The following NUMB variants were observed in gnomAD, a reference collection of about 807,000 sequenced individuals.
NUMB encodes protein numb homolog.
A neutral mutation model predicts 59.7 loss-of-function variants in NUMB; 29 were observed. The observed-to-expected ratio is 0.49, with a 90% CI of 0.36 to 0.66. NUMB has a LOEUF of 0.66. Among genes scored for constraint, NUMB ranks in the 30% least tolerant of loss-of-function variants. NUMB has a pLI of 0.00. For synonymous variants in NUMB, 288 were observed against 288.2 expected (o/e 1.00, Z 0.01); for missense variants, 723 against 822.0 (o/e 0.88, Z 1.47).
chr14:73,417,756 C>T (rs1387605857), intron 1 of NUMB, among the ~76,000 whole-genome samples: 1 of 152,132 alleles, frequency 6.6e-6, no homozygotes, highest in East Asian at 1.9e-4. Context: ...ACATCATTCA[C>T]AGTAGCCAAA....
chr14:73,451,153 CA>C (rs1212863745), intron 1 of NUMB, among the ~76,000 whole-genome samples: 19 of 38,560 alleles, frequency 4.9e-4, no homozygotes, highest in East Asian at 9.8e-4. Context: ...GACTCTGTCT[CA>C]AAAAAAAAAA....
intron 5 of NUMB, among the ~76,000 whole-genome samples, chr14:73,317,526 T>C (rs1451901740): frequency 3.9e-5 from 6 of 152,206 alleles, no homozygotes; most frequent in Non-Finnish European, 5.9e-5. Context: ...GGTCTCGAAC[T>C]CCTGACCTCA....
At chr14:73,279,696 C>T (rs1443976997) in intron 11 of NUMB, among the ~76,000 whole-genome samples, 2 of 152,112 alleles carry the variant, frequency 1.3e-5, no homozygotes, top group East Asian at 3.8e-4. Context: ...GAAATGAAAC[C>T]TACGAAAACA....
intron 1 of NUMB, among the ~76,000 whole-genome samples, chr14:73,443,441 CA>C (rs1208902886): frequency 2.0e-5 from 3 of 151,402 alleles, no homozygotes; most frequent in African/African-American, 7.3e-5. Context: ...ACTAAAATTA[CA>C]AAATTAGCCA....
At chr14:73,403,721 C>T (rs964449532) in intron 2 of NUMB, among the ~76,000 whole-genome samples, 1 of 151,582 alleles carries the variant, frequency 6.6e-6, no homozygotes, top group African/African-American at 2.4e-5. Context: ...TTTGGGAAGC[C>T]GAGGCAGGCA....
chr14:73,346,304 A>AC (rs1316833830), intron 4 of NUMB, among the ~76,000 whole-genome samples: 3 of 151,946 alleles, frequency 2.0e-5, no homozygotes, highest in Middle Eastern at 3.4e-3. Flanking sequence ...ACATGGAGAA[A>AC]CCCCCGTCTC....
At chr14:73,320,003 G>A (rs915249857) in intron 5 of NUMB, among the ~76,000 whole-genome samples, 3 of 152,018 alleles carry the variant, frequency 2.0e-5, no homozygotes, top group African/African-American at 7.3e-5. Context: ...GTGGTGGCGG[G>A]CACCTGTAAT....
At chr14:73,322,578 C>G (rs1341243198) in intron 5 of NUMB, among the ~76,000 whole-genome samples, 1 of 152,052 alleles carries the variant, frequency 6.6e-6, no homozygotes, top group Non-Finnish European at 1.5e-5. Flanking sequence ...CTAGTTTTCC[C>G]CAGGAAGCTA....
chr14:73,327,925 C>G (rs1891750148), intron 4 of NUMB, among the ~76,000 whole-genome samples: 1 of 152,102 alleles, frequency 6.6e-6, no homozygotes. Context: ...ACACCCAGTC[C>G]CCAGCCTCTG....
chr14:73,366,193 T>C (rs1594953452), intron 3 of NUMB, among the ~76,000 whole-genome samples: 1 of 152,344 alleles, frequency 6.6e-6, no homozygotes, highest in South Asian at 2.1e-4. Context: ...AGTGGTCCTA[T>C]GTATGGCCCT....
chr14:73,285,944 G>A (rs961452673), intron 9 of NUMB, among the ~76,000 whole-genome samples: 2 of 149,674 alleles, frequency 1.3e-5, no homozygotes, highest in African/African-American at 4.9e-5. Flanking sequence ...AAAAAACACC[G>A]AAATCAAACC....
chr14:73,335,622 T>C (rs954475030), intron 4 of NUMB, among the ~76,000 whole-genome samples: 2 of 152,334 alleles, frequency 1.3e-5, no homozygotes, highest in East Asian at 3.9e-4. Flanking sequence ...AAAACTAGTA[T>C]GTGGAATTTC....
Position 73,386,853 on chromosome 14 carries a change from C to A in NUMB, c.-100-19872G>T, listed in dbSNP as rs141319973. 7.8e-3 allele frequency among the ~76,000 whole-genome samples: 1,049 copies of A among 134,734 alleles called. 8 individuals carry two copies. Among genetic ancestry groups the A allele is most frequent in the Non-Finnish European group, 0.012 (779 of 64,844 alleles). 88.4% of individuals were successfully genotyped at this position (134,734 alleles called of 152,430 possible). ...CAAAGGAAAAATAATACAAGACAAT[C>A]TATCAGGTGTCTTATTTTTTTTTTT... is the stretch of plus-strand genomic sequence containing the variant. On this transcript the variant is annotated intron_variant, in intron 2 of 12. Transcript: ENST00000555238.
chr14:73,448,964 GAT>G (rs374880533), intron 1 of NUMB, among the ~76,000 whole-genome samples: 8 of 151,156 alleles, frequency 5.3e-5, no homozygotes, highest in Non-Finnish European at 1.2e-4. Flanking sequence ...CACACAGGAG[GAT>G]TCAACCAATC....
chr14:73,296,990 A>G (rs1444678881), intron 7 of NUMB, among the ~76,000 whole-genome samples: 1 of 152,190 alleles, frequency 6.6e-6, no homozygotes, highest in Non-Finnish European at 1.5e-5. Flanking sequence ...CAACATGGAG[A>G]AACCCCATTT....
intron 1 of NUMB, among the ~76,000 whole-genome samples, chr14:73,429,850 A>G (rs1183144031): frequency 4.6e-5 from 7 of 151,900 alleles, no homozygotes; most frequent in Non-Finnish European, 1.5e-5. Context: ...GGCTGAGGCA[A>G]GAGAATTGCT....
At chr14:73,341,925 T>C (rs1405123759) in intron 4 of NUMB, among the ~76,000 whole-genome samples, 5 of 152,266 alleles carry the variant, frequency 3.3e-5, no homozygotes, top group Non-Finnish European at 5.9e-5. Context: ...TTCCAACTAT[T>C]CCCTTACAAC....
intron 4 of NUMB, among the ~76,000 whole-genome samples, chr14:73,335,095 T>A (rs150300663): frequency 1.3e-5 from 2 of 152,112 alleles, no homozygotes; most frequent in African/African-American, 4.8e-5. Context: ...TAAGGCTCAT[T>A]TCTACTACTA....
intron 6 of NUMB, among the ~76,000 whole-genome samples, chr14:73,307,382 TAAG>T (rs1382861565): frequency 2.6e-5 from 4 of 151,628 alleles, no homozygotes; most frequent in African/African-American, 7.3e-5. Flanking sequence ...TTGGATTTTT[TAAG>T]AAGTTGTCAG....
Sources: gnomAD v4.1 joint callset for allele counts (sites outside exome capture counted in the v4.1 genomes callset) on GRCh38, gnomAD v4.1.1 for gene constraint, MANE v1.5 for transcripts, NCBI Gene and HGNC (gene_info 2026-07-23, HGNC 2026-07-21) for gene names.